POMK: variants seen among roughly 807,000 people sequenced by gnomAD.
POMK encodes Sugen kinase 196.
POMK carries 19 observed loss-of-function variants against 23.0 expected under a neutral mutation model. That is an observed-to-expected ratio of 0.83 (90% confidence interval 0.58 to 1.21). The LOEUF (loss-of-function observed/expected upper bound fraction) is 1.21, where lower values mean the gene tolerates loss of function less well. Among genes scored for constraint, POMK ranks in the 50% most tolerant of loss-of-function variants. The pLI, the probability that POMK is intolerant of heterozygous loss-of-function variation, is 0.00. For synonymous variants in POMK, 173 were observed against 171.6 expected (o/e 1.01, Z -0.06); for missense variants, 410 against 431.3 (o/e 0.95, Z 0.44).
At chr8:43,100,785 G>C (rs1410283046) in intron 2 of POMK, among the ~76,000 whole-genome samples, 1 of 151,962 alleles carries the variant, frequency 6.6e-6, no homozygotes, top group African/African-American at 2.4e-5. Flanking sequence ...TGTGAGGTAG[G>C]GGGTGGTGGT....
chr8:43,097,450 T>C (rs995229457), intron 1 of POMK, 74 bp from the exon 2 acceptor site: 2 of 152,146 alleles, frequency 1.3e-5, no homozygotes, highest in African/African-American at 4.8e-5. Context: ...TCTGAAAAAA[T>C]GATGCAGTGT....
At chr8:43,101,295 G>A (rs562056663) in intron 2 of POMK, among the ~76,000 whole-genome samples, 36 of 151,792 alleles carry the variant, frequency 2.4e-4, no homozygotes, top group Non-Finnish European at 4.4e-4. Flanking sequence ...ATGTGGTGAT[G>A]CGCACCTGTA....
chr8:43,102,798 C>T (rs1471947584), intron 3 of POMK, among the ~76,000 whole-genome samples, 198 bp downstream of exon 3: 1 of 152,206 alleles, frequency 6.6e-6, no homozygotes, highest in East Asian at 1.9e-4. Context: ...GCAGCCAGGC[C>T]CCTCCACCAT....
At position 43,113,344 on chromosome 8, in the gene POMK, G is replaced by A. The variant is rs546412760; in HGVS notation, c.283-8763G>A. 1.3e-3 allele frequency among the ~76,000 whole-genome samples: 202 copies of A among 152,108 alleles called. 1 individual carries two copies. Among genetic ancestry groups the A allele is most frequent in the South Asian group, 0.011 (53 of 4,810 alleles). ...CTTTTTTCTCTAAACTTCCCTTCTT[G>A]CTTCATTTCTTTCATTTCGTCTTCC... is the stretch of plus-strand genomic sequence containing the variant. On this transcript the variant is annotated intron_variant, in intron 4 of 4. Transcript: ENST00000331373.
chr8:43,110,500 C>A (rs117580631), intron 4 of POMK, among the ~76,000 whole-genome samples: 1 of 152,212 alleles, frequency 6.6e-6, no homozygotes, highest in Non-Finnish European at 1.5e-5. Context: ...TTCATGAATA[C>A]GTTCACAACT....
At chr8:43,117,144 G>A (rs139938959) in intron 4 of POMK, among the ~76,000 whole-genome samples, 2 of 152,210 alleles carry the variant, frequency 1.3e-5, no homozygotes, top group East Asian at 3.9e-4. Flanking sequence ...AAGGCAAGGA[G>A]CGGCCATTTA....
chr8:43,122,849 T>C lies in POMK; in HGVS notation c.1025T>C (p.Met342Thr), dbSNP rs765772229. The change falls in exon 5 of 5, where the codon ATG (methionine) becomes ACG (threonine). Residue 342 changes from methionine to threonine, a missense_variant. Coordinates refer to ENST00000331373, the MANE Select transcript of POMK (RefSeq NM_032237.5). Reference protein sequence around the residue: ...QKVLDTLRDAMMSQAREML With the variant: ...QKVLDTLRDATMSQAREML ...GTCTTGGATACACTTAGAGATGCCA[T>C]GATGTCTCAGGCAAGAGAGATGCTG... is the stretch of plus-strand genomic sequence containing the variant. 1.9e-6 allele frequency: 3 copies of C among 1,612,652 alleles called. No individual in the cohort carries two copies. The South Asian group carries it at 3.3e-5, about 18-fold the overall frequency.
chr8:43,096,364 A>G (rs1487663326), intron 1 of POMK, among the ~76,000 whole-genome samples: 1 of 152,182 alleles, frequency 6.6e-6, no homozygotes, highest in Non-Finnish European at 1.5e-5. Context: ...CGTGCTTTAG[A>G]AAGCTCTCCC....
In POMK at chr8:43,122,827, T is replaced by C. The variant is rs771728909; in HGVS notation, c.1003T>C (p.Leu335=). ...CGTTCTGGAGACCTACCAGAAGGTCTTGGATACACTTAGAGATGCCATGAT... is the reference window on the plus strand; with the variant it reads ...CGTTCTGGAGACCTACCAGAAGGTCCTGGATACACTTAGAGATGCCATGAT... ...QDVLETYQKV[L]DTLRDAMMSQ... Residue 335 remains leucine, a synonymous_variant, in exon 5 of 5, where the codon TTG becomes CTG. Transcript: ENST00000331373. 2.5e-6 allele frequency: 4 copies of C among 1,613,958 alleles called. No individual in the cohort carries two copies. In the South Asian group the frequency reaches 3.3e-5, roughly 13 times the overall value.
chr8:43,097,411 T>C (rs1811356347), intron 1 of POMK, 113 bp from the exon 2 acceptor site: 1 of 152,200 alleles, frequency 6.6e-6, no homozygotes, highest in Admixed American at 6.5e-5. Flanking sequence ...TCAACTCTAT[T>C]TGTAATATTT....
At chr8:43,094,506 T>A (rs1402791064) in intron 1 of POMK, among the ~76,000 whole-genome samples, 3 of 152,236 alleles carry the variant, frequency 2.0e-5, no homozygotes, top group East Asian at 3.8e-4. Flanking sequence ...ATTCTCTTTT[T>A]TTTAGAAAGC....
At chr8:43,102,114 C>T (rs1811456771) in intron 2 of POMK, among the ~76,000 whole-genome samples, 2 of 152,172 alleles carry the variant, frequency 1.3e-5, no homozygotes, top group Non-Finnish European at 2.9e-5. Context: ...GATGATAGAC[C>T]TATTTGTTTA....
At chr8:43,111,218 C>T (rs1025046318) in intron 4 of POMK, among the ~76,000 whole-genome samples, 1 of 152,190 alleles carries the variant, frequency 6.6e-6, no homozygotes, top group South Asian at 2.1e-4. Flanking sequence ...GGGTCACTCC[C>T]ACCCTAATAC....
chr8:43,104,820 A>G (rs1811515167), intron 4 of POMK, among the ~76,000 whole-genome samples: 1 of 151,970 alleles, frequency 6.6e-6, no homozygotes, highest in African/African-American at 2.4e-5. Context: ...GGTGCGCACT[A>G]CTTGGGAAGC....
chr8:43,103,069 C>G (rs531391664), intron 3 of POMK, among the ~76,000 whole-genome samples: 2 of 152,194 alleles, frequency 1.3e-5, no homozygotes, highest in Admixed American at 1.3e-4. Flanking sequence ...CTGAGTACCT[C>G]CCAGGGAACA....
chr8:43,101,595 T>C (rs1276170448), intron 2 of POMK, among the ~76,000 whole-genome samples: 2 of 152,164 alleles, frequency 1.3e-5, no homozygotes, highest in African/African-American at 4.8e-5. Context: ...ACTACCAGGT[T>C]AACATAGATG....
At position 43,122,201 on chromosome 8, in the gene POMK, T is replaced by C; in HGVS notation, c.377T>C (p.Leu126Pro). Reference sequence around the variant, plus strand: ...GATTTCCTCCATGGACTGCAGATGCTGAAATCTCTCCAAGGCACACATGTT... The same window carrying C: ...GATTTCCTCCATGGACTGCAGATGCCGAAATCTCTCCAAGGCACACATGTT... Reference protein sequence around the residue: ...KDDFLHGLQMLKSLQGTHVVT... With the variant: ...KDDFLHGLQMPKSLQGTHVVT... Residue 126 changes from leucine to proline, a missense_variant, in exon 5 of 5, where the codon CTG (leucine) becomes CCG (proline). Physicochemically the swap from Leu to Pro is moderately conservative, Grantham distance 98. Transcript: ENST00000331373. 3.1e-6 allele frequency: 5 copies of C among 1,614,234 alleles called. No individual in the cohort carries two copies. The South Asian group carries it at 5.5e-5, about 18-fold the overall frequency.
intron 2 of POMK, among the ~76,000 whole-genome samples, chr8:43,099,589 A>G (rs1307833371): frequency 1.3e-5 from 2 of 152,252 alleles, no homozygotes; most frequent in South Asian, 2.1e-4. Flanking sequence ...TGATAGATCA[A>G]GGAAGACTGG....
chr8:43,116,848 G>C (rs1811808757), intron 4 of POMK, among the ~76,000 whole-genome samples: 1 of 152,216 alleles, frequency 6.6e-6, no homozygotes, highest in Non-Finnish European at 1.5e-5. Context: ...CTTTGTGTGA[G>C]CAATAAAGCA....
Sources: gnomAD v4.1 joint callset for allele counts (sites outside exome capture counted in the v4.1 genomes callset) on GRCh38, gnomAD v4.1.1 for gene constraint, MANE v1.5 for transcripts, NCBI Gene and HGNC (gene_info 2026-07-23, HGNC 2026-07-21) for gene names.